The following TNRC18 variants were observed in gnomAD, a reference collection of about 807,000 sequenced individuals.
The protein encoded by TNRC18 is trinucleotide repeat containing 18.
In TNRC18, 69 loss-of-function variants were observed where a neutral mutation model predicts 226.7. The observed-to-expected ratio is 0.30, with a 90% CI of 0.25 to 0.37. The LOEUF is 0.37. Ranked by LOEUF, TNRC18 falls within the 10% of genes least tolerant of loss-of-function variation. TNRC18 has a pLI of 1.00. For missense variants in TNRC18, 4,754 were observed against 4,256.6 expected, an observed-to-expected ratio of 1.12 and a Z score of -3.25; for synonymous variants, 2,449 against 1,927.6, an observed-to-expected ratio of 1.27 and a Z score of -7.09.
chr7:5,355,173 G>A (rs1792224560), intron 16 of TNRC18, among the ~76,000 whole-genome samples: 1 of 152,252 alleles, frequency 6.6e-6, no homozygotes, highest in South Asian at 2.1e-4. Context: ...CTGGGCATGA[G>A]GTGCTCTGTC....
intron 2 of TNRC18, among the ~76,000 whole-genome samples, chr7:5,406,724 G>T (rs978197789): frequency 3.4e-4 from 52 of 151,636 alleles, no homozygotes; most frequent in African/African-American, 1.3e-3. Flanking sequence ...GGTGGCAGAT[G>T]CCTGTAATTG....
rs907961969 is a variant in TNRC18, at chr7:5,388,544, C to T, written c.1280G>A (p.Arg427His). The T allele has an allele frequency of 5.3e-6, 7 of 1,314,218 alleles. No individual in the cohort carries two copies. The highest frequency in any genetic ancestry group is 4.8e-5 in the African/African-American group (3 of 62,916). 81.4% of individuals were successfully genotyped at this position (1,314,218 alleles called of 1,614,324 possible). ...CGAGCGGATGACCGAGTTCTTCTCG[C>T]GCAGGCCCTCGGGCCGGTCCAGAGG... The part of the protein sequence containing the change: ...PRPLDRPEGL[R>H]EKNSVIRSLK... The change falls in exon 5 of 30, where the codon CGC becomes CAC. Residue 427 changes from arginine (R) to histidine (H), a missense_variant. Coordinates refer to ENST00000430969, the MANE Select transcript of TNRC18 (RefSeq NM_001080495.3).
chr7:5,412,533 G>A (rs188514505), intron 2 of TNRC18, among the ~76,000 whole-genome samples: 20 of 151,964 alleles, frequency 1.3e-4, no homozygotes, highest in Non-Finnish European at 2.1e-4. Flanking sequence ...CTGAGATCGC[G>A]CCACCGCACC....
chr7:5,341,762 CAAAAAAAAAAAAA>C lies in TNRC18; in HGVS notation c.5719+3787_5719+3799del, dbSNP rs34897154. Among the ~76,000 whole-genome samples, 10 of 92,204 alleles carry C rather than the reference CAAAAAAAAAAAAA, an allele frequency of 1.1e-4. No homozygotes were observed. In the South Asian group the frequency reaches 2.6e-3, roughly 24 times the overall value. The allele number at this position is 92,204 out of a possible 152,430, so 60.5% of individuals were successfully genotyped here. A position where few individuals can be genotyped will look rare whatever the true frequency, so the allele number is the denominator to read the frequency against. On this transcript the variant is annotated intron_variant, in intron 18 of 29. Coordinates refer to ENST00000430969, the MANE Select transcript of TNRC18 (RefSeq NM_001080495.3). Reference sequence around the variant, plus strand: ...CTGGCAAAAGAGCGAGACTCCGTCTCAAAAAAAAAAAAAAAAAAAAAGGGAATAACAAAGCCTT... The same window carrying C: ...CTGGCAAAAGAGCGAGACTCCGTCTCAAAAAAAAGGGAATAACAAAGCCTT...
chr7:5,324,339 C>G lies in TNRC18; in HGVS notation c.6317G>C (p.Gly2106Ala). 6.2e-7 allele frequency: 1 copy of G among 1,613,428 alleles called. No individual in the cohort carries two copies. The highest frequency in any genetic ancestry group is 8.5e-7 in the Non-Finnish European group (1 of 1,179,700). ...GCTCTCCATCAGCTTGCTCACGGCACCCCCCTTGCCGCGGTTCTGGGGACA... is the reference window on the plus strand; with the variant it reads ...GCTCTCCATCAGCTTGCTCACGGCAGCCCCCTTGCCGCGGTTCTGGGGACA... ...EVKKENRGKG[G>A]AVSKLMESMA... The change falls in exon 21 of 30, where the codon GGT becomes GCT. Residue 2106 changes from glycine (G) to alanine (A), a missense_variant. By Grantham distance (60) the Gly-to-Ala change is moderately conservative. Coordinates refer to ENST00000430969, the MANE Select transcript of TNRC18 (RefSeq NM_001080495.3). The surrounding 1 kb of genome is among the most constrained non-coding windows in gnomAD (Gnocchi z 4.8).
intron 19 of TNRC18, among the ~76,000 whole-genome samples, chr7:5,331,660 G>A (rs1039657034): frequency 4.6e-5 from 7 of 152,310 alleles, no homozygotes; most frequent in South Asian, 2.1e-4. Context: ...AGTGGCTCAC[G>A]CCTGGAATCT....
At chr7:5,373,707 A>G (rs1329197729) in intron 10 of TNRC18, among the ~76,000 whole-genome samples, 1 of 152,056 alleles carries the variant, frequency 6.6e-6, no homozygotes, top group Non-Finnish European at 1.5e-5. Flanking sequence ...AGCTGCCCAG[A>G]ATGGGTGTCC....
chr7:5,345,517 G>GGGGGGGCCCCCCCCCCCCCCCCCCCCCC, intron 18 of TNRC18, 45 bp downstream of exon 18: 7 of 377,742 alleles, frequency 1.9e-5, no homozygotes, highest in Middle Eastern at 7.4e-4. Flanking sequence ...AATGGCGTCC[G>GGGGGGGCCCCCCCCCCCCCCCCCCCCCC]CCCCTCCCAC....
chr7:5,361,209 A>G (rs1583911371), intron 14 of TNRC18, among the ~76,000 whole-genome samples: 1 of 152,094 alleles, frequency 6.6e-6, no homozygotes, highest in Non-Finnish European at 1.5e-5. Context: ...CACGGCGGAG[A>G]CCGAGCGACA....
At chr7:5,409,572 C>T (rs1425293146) in intron 2 of TNRC18, among the ~76,000 whole-genome samples, 1 of 151,680 alleles carries the variant, frequency 6.6e-6, no homozygotes, top group East Asian at 1.9e-4. Flanking sequence ...CCCAGTAACA[C>T]AGGGAGACCC....
chr7:5,326,964 AAT>A (rs1297376007), intron 19 of TNRC18, among the ~76,000 whole-genome samples: 1 of 151,880 alleles, frequency 6.6e-6, no homozygotes, highest in African/African-American at 2.4e-5. Flanking sequence ...CTCTACTAAA[AAT>A]ATAAAAAAGT....
chr7:5,417,170 T>G (rs1782245700), intron 2 of TNRC18, among the ~76,000 whole-genome samples: 1 of 114,402 alleles, frequency 8.7e-6, no homozygotes, highest in African/African-American at 3.4e-5. Context: ...AAAAAAAAAT[T>G]TTAAGTAACA....
At position 5,361,455 on chromosome 7, in the gene TNRC18, C is replaced by T. The variant is rs1048609664; in HGVS notation, c.4661+139G>A. ...CCCGGGCAGCACAGGCCGTGCTCCCCGAGGGCCACTGCTGCGGGTAGGTCA... is the reference window on the plus strand; with the variant it reads ...CCCGGGCAGCACAGGCCGTGCTCCCTGAGGGCCACTGCTGCGGGTAGGTCA... On this transcript the variant is annotated intron_variant, in intron 14 of 29. Transcript: ENST00000430969. The T allele has an allele frequency of 1.3e-5, 14 of 1,093,468 alleles. No individual in the cohort carries two copies. The African/African-American group carries it at 1.3e-4, about 10-fold the overall frequency. 67.7% of individuals were successfully genotyped at this position (1,093,468 alleles called of 1,614,324 possible).
chr7:5,418,776 G>A (rs1024432436), intron 2 of TNRC18, among the ~76,000 whole-genome samples: 1 of 152,256 alleles, frequency 6.6e-6, no homozygotes, highest in South Asian at 2.1e-4. Flanking sequence ...ACGCGGGAGG[G>A]GGAGGATGTG....
Position 5,323,568 on chromosome 7 carries a change from GT to G in TNRC18, c.6442+645del, listed in dbSNP as rs1554272402. ...CTCGTTCTCTGTGCAGCACCAGACAGTTTTTTTTTTTTTGAGACACAGTTTT... is the reference window on the plus strand; with the variant it reads ...CTCGTTCTCTGTGCAGCACCAGACAGTTTTTTTTTTTTGAGACACAGTTTT... On this transcript the variant is annotated intron_variant, in intron 21 of 29. Transcript: ENST00000430969. Among the ~76,000 whole-genome samples the G allele has an allele frequency of 4.1e-5, 5 of 122,270 alleles. 1 individual carries two copies. Among genetic ancestry groups the G allele is most frequent in the Admixed American group, 2.7e-4 (3 of 11,058 alleles). The allele number at this position is 122,270 out of a possible 152,430, so 80.2% of individuals were successfully genotyped here.
intron 24 of TNRC18, among the ~76,000 whole-genome samples, chr7:5,318,035 C>T (rs1166444339): frequency 6.6e-6 from 1 of 152,108 alleles, no homozygotes; most frequent in Non-Finnish European, 1.5e-5. Context: ...CCACGCCCAG[C>T]TTATTTTTGT....
intron 8 of TNRC18, among the ~76,000 whole-genome samples, chr7:5,376,512 G>T (rs1167494828): frequency 2.0e-5 from 3 of 152,202 alleles, no homozygotes; most frequent in African/African-American, 7.2e-5. Flanking sequence ...GAGGACCACT[G>T]TGAGGACCTA....
chr7:5,339,107 G>A (rs2128133510), intron 18 of TNRC18, among the ~76,000 whole-genome samples: 1 of 152,020 alleles, frequency 6.6e-6, no homozygotes, highest in South Asian at 2.1e-4. Flanking sequence ...AGACCAGCCT[G>A]GGCAACAGAG....
Position 5,370,502 on chromosome 7 carries a change from T to G in TNRC18, c.4092A>C (p.Gly1364=). 2 of 1,595,062 alleles carry G rather than the reference T, an allele frequency of 1.3e-6. No homozygotes were observed. Among genetic ancestry groups the G allele is most frequent in the Non-Finnish European group, 1.7e-6 (2 of 1,171,040 alleles). ...CTTCCAGCTTCTCCAAGGCCTGGGC[T>G]CCAGCAGCACCCGGGGAGGGCAGAG... ...ARPLPSPGAA[G]AQALEKLEAA... Residue 1364 remains glycine (G), a synonymous_variant, in exon 11 of 30, where the codon GGA becomes GGC. Coordinates refer to ENST00000430969, the MANE Select transcript of TNRC18 (RefSeq NM_001080495.3).
Sources: gnomAD v4.1 joint callset for allele counts (sites outside exome capture counted in the v4.1 genomes callset) on GRCh38, gnomAD v4.1.1 for gene constraint, Gnocchi (gnomAD v3.1) non-coding constraint, MANE v1.5 for transcripts, NCBI Gene and HGNC (gene_info 2026-07-23, HGNC 2026-07-21) for gene names.